PPM1L: variants seen among roughly 807,000 people sequenced by gnomAD.
PPM1L encodes protein phosphatase 1L.
Under a neutral mutation model 31.4 loss-of-function variants are expected in PPM1L, and 13 were observed. The ratio of observed to expected loss-of-function variants is 0.41; its 90% CI spans 0.27 to 0.66. PPM1L has a LOEUF of 0.66. PPM1L is among the 30% of genes least tolerant of loss of function. PPM1L has a pLI of 0.29. For missense variants in PPM1L, 326 were observed against 453.7 expected (o/e 0.72, Z 2.56); for synonymous variants, 184 against 175.4 (o/e 1.05, Z -0.39).
At chr3:160,900,895 G>T (rs912674539) in intron 1 of PPM1L, among the ~76,000 whole-genome samples, 2 of 152,144 alleles carry the variant, frequency 1.3e-5, no homozygotes, top group African/African-American at 4.8e-5. Flanking sequence ...TAAATGATCA[G>T]TTCTTTGTCC....
At chr3:160,852,384 A>G (rs960552935) in intron 1 of PPM1L, among the ~76,000 whole-genome samples, 6 of 152,242 alleles carry the variant, frequency 3.9e-5, no homozygotes, top group African/African-American at 1.2e-4. Flanking sequence ...GCAATGCTGT[A>G]TTTTAATGAA....
At chr3:160,856,473 G>A (rs964712490) in intron 1 of PPM1L, among the ~76,000 whole-genome samples, 9 of 152,184 alleles carry the variant, frequency 5.9e-5, no homozygotes, top group African/African-American at 2.2e-4. Flanking sequence ...CACGACACAG[G>A]CATAAAAAAA....
intron 2 of PPM1L, among the ~76,000 whole-genome samples, chr3:161,059,133 T>C (rs1316410916): frequency 6.6e-6 from 1 of 152,180 alleles, no homozygotes; most frequent in Admixed American, 6.5e-5. Context: ...CTGAAGTACA[T>C]ATTGAGTTCA....
In PPM1L at chr3:161,065,410, G is replaced by A. The variant is rs769707582; in HGVS notation, c.582G>A (p.Thr194=). ...CTCTCTTCTATTTTTCAGGCACAAC[G>A]TGTTTGATTGCTCTGCTATCAGATA... ...LTVSYDEAGT[T]CLIALLSDKD... is the part of the protein sequence containing the mutation. Residue 194 remains threonine, a synonymous_variant, in exon 3 of 4, where the codon ACG becomes ACA. Coordinates refer to ENST00000498165, the MANE Select transcript of PPM1L (RefSeq NM_139245.4). The A allele has an allele frequency of 6.8e-6, 11 of 1,613,952 alleles. 2 individuals carry two copies. The highest frequency in any genetic ancestry group is 3.3e-4 in the Middle Eastern group (2 of 6,050).
chr3:161,035,030 A>G (rs562791942), intron 2 of PPM1L, among the ~76,000 whole-genome samples: 2 of 151,946 alleles, frequency 1.3e-5, no homozygotes, highest in Non-Finnish European at 2.9e-5. Context: ...TGAGAGTTGA[A>G]CAATGAGAAC....
intron 1 of PPM1L, among the ~76,000 whole-genome samples, chr3:160,831,671 A>G (rs1201564035): frequency 6.6e-6 from 1 of 152,156 alleles, no homozygotes; most frequent in Non-Finnish European, 1.5e-5. Flanking sequence ...GCCGTCTTCT[A>G]GAGTCTGAAA....
chr3:160,904,984 G>A (rs886174848), intron 1 of PPM1L, among the ~76,000 whole-genome samples: 7 of 152,062 alleles, frequency 4.6e-5, no homozygotes, highest in African/African-American at 1.4e-4. Context: ...AAAGATAAAT[G>A]ATTTTATAAA....
chr3:160,919,058 C>T (rs1714294215), intron 1 of PPM1L, among the ~76,000 whole-genome samples: 1 of 152,182 alleles, frequency 6.6e-6, no homozygotes, highest in Non-Finnish European at 1.5e-5. Context: ...CTCGTGAAAT[C>T]TCCTCAGACT....
At chr3:160,782,979 A>G (rs1711791911) in intron 1 of PPM1L, among the ~76,000 whole-genome samples, 1 of 152,216 alleles carries the variant, frequency 6.6e-6, no homozygotes, top group South Asian at 2.1e-4. Flanking sequence ...GGTGATTGCT[A>G]AGAAAAACTC....
chr3:161,050,917 CT>C (rs1253116318), intron 2 of PPM1L, among the ~76,000 whole-genome samples: 6 of 152,116 alleles, frequency 3.9e-5, no homozygotes, highest in Non-Finnish European at 7.4e-5. Context: ...GTATTTTTTT[CT>C]ATTCTTTGTT....
chr3:161,004,647 T>A (rs1370920975), intron 2 of PPM1L, among the ~76,000 whole-genome samples: 2 of 149,844 alleles, frequency 1.3e-5, no homozygotes, highest in Non-Finnish European at 3.0e-5. Flanking sequence ...TGTAGTATTC[T>A]CTGATGGTAG....
chr3:160,857,665 G>A (rs2108118205), intron 1 of PPM1L, among the ~76,000 whole-genome samples: 1 of 152,272 alleles, frequency 6.6e-6, no homozygotes, highest in East Asian at 1.9e-4. Flanking sequence ...ATATAGAAAT[G>A]CAAGGCATGG....
chr3:160,970,898 C>A (rs1265020358), intron 2 of PPM1L, among the ~76,000 whole-genome samples: 2 of 149,854 alleles, frequency 1.3e-5, no homozygotes, highest in Non-Finnish European at 1.5e-5. Context: ...TCACGCCATT[C>A]TCCTGCCTCA....
intron 1 of PPM1L, among the ~76,000 whole-genome samples, chr3:160,918,452 A>T (rs140171357): frequency 1.3e-5 from 2 of 152,244 alleles, no homozygotes; most frequent in African/African-American, 4.8e-5. Context: ...GGAAATTTCT[A>T]TTAGAAACCA....
At chr3:160,837,432 C>T (rs1018888386) in intron 1 of PPM1L, among the ~76,000 whole-genome samples, 4 of 152,194 alleles carry the variant, frequency 2.6e-5, no homozygotes, top group African/African-American at 9.6e-5. Context: ...CTTCAAGCCA[C>T]TGTTATTGTC....
chr3:160,981,442 G>A (rs899848772), intron 2 of PPM1L, among the ~76,000 whole-genome samples: 4 of 152,170 alleles, frequency 2.6e-5, no homozygotes, highest in African/African-American at 7.2e-5. Context: ...TGTGAGTGAT[G>A]TAAGAGACAG....
intron 1 of PPM1L, among the ~76,000 whole-genome samples, chr3:160,937,237 G>C (rs1576725922): frequency 6.6e-6 from 1 of 152,118 alleles, no homozygotes; most frequent in East Asian, 1.9e-4. Flanking sequence ...CCAGGAGCTG[G>C]TTAAATAATT....
At chr3:160,776,650 T>C in intron 1 of PPM1L, among the ~76,000 whole-genome samples, 1 of 150,360 alleles carries the variant, frequency 6.7e-6, no homozygotes, top group African/African-American at 2.4e-5. Context: ...GTCGCCCAGG[T>C]TATAGTGCAG....
At chr3:160,994,030 C>CT (rs1410451065) in intron 2 of PPM1L, among the ~76,000 whole-genome samples, 1 of 150,202 alleles carries the variant, frequency 6.7e-6, no homozygotes, top group African/African-American at 2.4e-5. Context: ...CTTTTCTGGT[C>CT]TTTTTGCAGA....
Sources: gnomAD v4.1 joint callset for allele counts (sites outside exome capture counted in the v4.1 genomes callset) on GRCh38, gnomAD v4.1.1 for gene constraint, MANE v1.5 for transcripts, NCBI Gene and HGNC (gene_info 2026-07-23, HGNC 2026-07-21) for gene names.